NEO1: variants seen among roughly 807,000 people sequenced by gnomAD.
NEO1 encodes neogenin.
Under a neutral mutation model 159.7 loss-of-function variants are expected in NEO1, and 63 were observed. The ratio of observed to expected loss-of-function variants is 0.39; its 90% CI spans 0.32 to 0.49. The LOEUF is 0.49. Among genes scored for constraint, NEO1 ranks in the 20% least tolerant of loss-of-function variants. The pLI is 0.85. For missense variants in NEO1, 1,615 were observed against 1,831.0 expected, an observed-to-expected ratio of 0.88 and a Z score of 2.15; for synonymous variants, 633 against 662.0, an observed-to-expected ratio of 0.96 and a Z score of 0.67.
At chr15:73,063,720 G>A (rs995986498) in intron 1 of NEO1, among the ~76,000 whole-genome samples, 1 of 152,058 alleles carries the variant, frequency 6.6e-6, no homozygotes, top group Non-Finnish European at 1.5e-5. Flanking sequence ...CAACAGAAAT[G>A]TTCCGTAAGC....
chr15:73,114,415 C>T (rs1596026415), intron 1 of NEO1, among the ~76,000 whole-genome samples: 1 of 152,160 alleles, frequency 6.6e-6, no homozygotes, highest in Non-Finnish European at 1.5e-5. Context: ...TGCCCTCCTA[C>T]TGAGAGAACA....
intron 1 of NEO1, among the ~76,000 whole-genome samples, chr15:73,108,356 A>AT (rs2070794258): frequency 1.3e-5 from 2 of 152,276 alleles, no homozygotes; most frequent in Admixed American, 1.3e-4. Context: ...TGGTACTTTA[A>AT]GAAGTTACAT....
intron 7 of NEO1, among the ~76,000 whole-genome samples, chr15:73,203,508 T>G (rs2037030452): frequency 6.6e-6 from 1 of 152,170 alleles, no homozygotes; most frequent in Non-Finnish European, 1.5e-5. Flanking sequence ...TGTTTCCAAC[T>G]GTTTTCTTTC....
chr15:73,244,954 C>CATAAAAAA (rs2039682953), intron 9 of NEO1, among the ~76,000 whole-genome samples: 1 of 16,514 alleles, frequency 6.1e-5, no homozygotes, highest in Non-Finnish European at 1.1e-4. Context: ...GACTCTGTCT[C>CATAAAAAA]AAAAAAAAAA....
intron 5 of NEO1, among the ~76,000 whole-genome samples, chr15:73,147,119 A>T (rs2032965962): frequency 6.6e-6 from 1 of 152,110 alleles, no homozygotes; most frequent in Non-Finnish European, 1.5e-5. Context: ...ATTTACTTGA[A>T]CCTCATTCTT....
chr15:73,302,423 G>A (rs1312999696), intron 28 of NEO1, among the ~76,000 whole-genome samples, 190 bp from the exon 29 acceptor site: 1 of 152,152 alleles, frequency 6.6e-6, no homozygotes, highest in African/African-American at 2.4e-5. Flanking sequence ...TGCATTATCA[G>A]GAAACGGGAT....
At position 73,266,410 on chromosome 15, in the gene NEO1, A is replaced by G. The variant is rs888510345; in HGVS notation, c.2493A>G (p.Thr831=). 7 of 1,607,184 alleles carry G rather than the reference A, an allele frequency of 4.4e-6. No individual in the cohort carries two copies. The highest frequency in any genetic ancestry group is 5.9e-6 in the Non-Finnish European group (7 of 1,176,498). The change falls in exon 16 of 29, where the codon ACA becomes ACG. Residue 831 remains threonine (T), a splice_region_variant and synonymous_variant. Transcript: ENST00000261908. ...LYESAVTRPH[T]DTSEVDLFVI... ...AGAGTGCTGTGACCAGGCCTCACACAGGTAAGGTATCCTATCTTTCCTAGT... is the reference window on the plus strand; with the variant it reads ...AGAGTGCTGTGACCAGGCCTCACACGGGTAAGGTATCCTATCTTTCCTAGT...
At chr15:73,148,420 T>G (rs2033102710) in intron 5 of NEO1, among the ~76,000 whole-genome samples, 1 of 152,190 alleles carries the variant, frequency 6.6e-6, no homozygotes, top group African/African-American at 2.4e-5. Context: ...AAATGCCCCC[T>G]TTCTTGCTAA....
chr15:73,244,606 A>G, intron 9 of NEO1, 108 bp downstream of exon 9: 1 of 1,240,090 alleles, frequency 8.1e-7, no homozygotes, highest in Non-Finnish European at 1.1e-6. Context: ...ACAGTTCCTT[A>G]CTTTCGGGGT....
At chr15:73,252,819 G>A (rs540147475) in intron 11 of NEO1, among the ~76,000 whole-genome samples, 22 of 152,014 alleles carry the variant, frequency 1.4e-4, no homozygotes, top group African/African-American at 4.8e-4. Flanking sequence ...GTGAAACCCC[G>A]TCTCTACTAA....
chr15:73,183,190 A>T (rs1449180291), intron 7 of NEO1, among the ~76,000 whole-genome samples: 2 of 152,092 alleles, frequency 1.3e-5, no homozygotes, highest in African/African-American at 4.8e-5. Flanking sequence ...GGAAGTGATG[A>T]TCTGCAGCTG....
At chr15:73,205,726 G>T (rs1459071446) in intron 7 of NEO1, among the ~76,000 whole-genome samples, 1 of 152,172 alleles carries the variant, frequency 6.6e-6, no homozygotes, top group Non-Finnish European at 1.5e-5. Context: ...TGTCTCTACA[G>T]TTTGGGGTGG....
At chr15:73,060,591 T>C (rs779406396) in intron 1 of NEO1, among the ~76,000 whole-genome samples, 6 of 151,780 alleles carry the variant, frequency 4.0e-5, no homozygotes, top group African/African-American at 7.3e-5. Flanking sequence ...TTTAAATTTA[T>C]AGAGTGTTGT....
intron 19 of NEO1, among the ~76,000 whole-genome samples, chr15:73,272,955 T>A (rs1209629749): frequency 7.3e-6 from 1 of 136,316 alleles, no homozygotes; most frequent in Non-Finnish European, 1.5e-5. Flanking sequence ...TCTGCTCTTG[T>A]ACCCTGAAGC....
intron 5 of NEO1, among the ~76,000 whole-genome samples, chr15:73,139,469 T>TA (rs1486412988): frequency 6.6e-6 from 1 of 151,902 alleles, no homozygotes; most frequent in Non-Finnish European, 1.5e-5. Flanking sequence ...ATTAATGAAA[T>TA]AAAAAAACAA....
At chr15:73,174,049 G>A (rs1277066521) in intron 5 of NEO1, among the ~76,000 whole-genome samples, 5 of 149,234 alleles carry the variant, frequency 3.4e-5, no homozygotes, top group African/African-American at 7.4e-5. Flanking sequence ...GCAGTGAGCC[G>A]AGATCACGCC....
intron 1 of NEO1, among the ~76,000 whole-genome samples, chr15:73,081,919 T>C (rs2069074390): frequency 1.3e-5 from 2 of 148,584 alleles, no homozygotes; most frequent in Non-Finnish European, 3.0e-5. Context: ...CAGGCTTGAG[T>C]GCAGTAGCCC....
intron 7 of NEO1, among the ~76,000 whole-genome samples, chr15:73,206,842 T>C (rs1349828221): frequency 1.3e-5 from 2 of 150,786 alleles, no homozygotes; most frequent in Admixed American, 6.6e-5. Flanking sequence ...TGTATGTGTG[T>C]GTGTGCGTGT....
Position 73,244,377 on chromosome 15 carries a change from G to T in NEO1, c.1485G>T (p.Glu495Asp). The T allele has an allele frequency of 6.2e-7, 1 of 1,613,794 alleles. No individual in the cohort carries two copies. The highest frequency in any genetic ancestry group is 8.5e-7 in the Non-Finnish European group (1 of 1,179,834). ...TTGAGAATACCAGTCACCCAGGAGA[G>T]ATGCAAGTAACCATTCAAAACCTAA... ...ERVENTSHPG[E>D]MQVTIQNLMP... The change falls in exon 9 of 29, where the codon GAG (glutamate) becomes GAT (aspartate). Residue 495 changes from glutamate to aspartate, a missense_variant. By Grantham distance (45) the Glu-to-Asp change is conservative. This residue lies in a region of NEO1 where 1,018 missense variants were observed against 1,115.4 expected (regional missense o/e 0.91). Coordinates refer to ENST00000261908, the MANE Select transcript of NEO1 (RefSeq NM_002499.4).
Sources: allele counts gnomAD v4.1 joint callset (sites outside exome capture counted in the v4.1 genomes callset), GRCh38; gene constraint gnomAD v4.1.1; regional missense constraint gnomAD v4.1.1; transcripts MANE v1.5; gene names NCBI Gene and HGNC (gene_info 2026-07-23, HGNC 2026-07-21).